RAB3GAP2: variants seen among roughly 807,000 people sequenced by gnomAD.
RAB3GAP2 encodes the protein rab3 GTPase-activating protein non-catalytic subunit.
In RAB3GAP2, 87 loss-of-function variants were observed where a neutral mutation model predicts 185.3. The observed-to-expected ratio is 0.47, with a 90% CI of 0.39 to 0.56. RAB3GAP2 has a LOEUF of 0.56. Ranked by LOEUF, RAB3GAP2 falls within the 20% of genes least tolerant of loss-of-function variation. RAB3GAP2 has a pLI of 0.00. For synonymous variants in RAB3GAP2, 554 were observed against 576.1 expected (o/e 0.96, Z 0.55); for missense variants, 1,492 against 1,638.2 (o/e 0.91, Z 1.54).
chr1:220,177,496 A>T (rs1200671099), intron 21 of RAB3GAP2, among the ~76,000 whole-genome samples: 2 of 152,232 alleles, frequency 1.3e-5, no homozygotes, highest in Non-Finnish European at 2.9e-5. Flanking sequence ...ATCTAAAGTG[A>T]GGGAGATGTG....
In RAB3GAP2 at chr1:220,171,993, G is replaced by C. The variant is rs374334249; in HGVS notation, c.2473C>G (p.Arg825Gly). 1.2e-6 allele frequency: 2 copies of C among 1,614,152 alleles called. No homozygotes were observed. Among genetic ancestry groups the C allele is most frequent in the Admixed American group, 1.7e-5 (1 of 60,014 alleles). Residue 825 changes from arginine (R) to glycine (G), a missense_variant, in exon 23 of 35, where the codon CGC becomes GGC. Physicochemically the swap from Arg to Gly is moderately radical, Grantham distance 125. Transcript: ENST00000358951. ...QSVSPWWQQM[R>G]TACIQSENNG... ...TTCTCAGACTGAATACAGGCTGTGC[G>C]CATCTGCTGCCACCATGGGGACACA...
At chr1:220,186,522 A>G (rs1658510917) in intron 17 of RAB3GAP2, among the ~76,000 whole-genome samples, 1 of 152,182 alleles carries the variant, frequency 6.6e-6, no homozygotes, top group Non-Finnish European at 1.5e-5. Context: ...CCAGGAAACA[A>G]TAAAGAAAGT....
chr1:220,266,797 C>G (rs1348012190), intron 1 of RAB3GAP2: 1 of 1,594,390 alleles, frequency 6.3e-7, no homozygotes, highest in African/African-American at 1.3e-5. Context: ...CTTCTCTGAG[C>G]ATTGGCCTCT....
rs369296264 is a variant in RAB3GAP2 at position 220,174,897 on chromosome 1, C to T, written c.2311-2155G>A. ...GTTTAACCAACAAAATTCAGAATGA[C>T]CTTAGTTTATTTATCAGGGGAATTT... is the stretch of plus-strand genomic sequence containing the variant. On this transcript the variant is annotated intron_variant, in intron 21 of 34. Coordinates refer to ENST00000358951, the MANE Select transcript of RAB3GAP2 (RefSeq NM_012414.4). Among the ~76,000 whole-genome samples, 450 of 152,268 alleles carry T rather than the reference C, an allele frequency of 3.0e-3. 2 individuals carry two copies. The highest frequency in any genetic ancestry group is 1.0e-2 in the African/African-American group (414 of 41,554).
rs1272766649 is a variant in RAB3GAP2 at position 220,190,503 on chromosome 1, T to C, written c.1505A>G (p.Tyr502Cys). The C allele has an allele frequency of 6.2e-7, 1 of 1,602,036 alleles. No individual in the cohort carries two copies. Among genetic ancestry groups the C allele is most frequent in the Non-Finnish European group, 8.6e-7 (1 of 1,169,050 alleles). Reference protein sequence around the residue: ...GKHCRLLYPGYKIMGLNNVTS... With the variant: ...GKHCRLLYPGCKIMGLNNVTS... ...AACATTATTTAAACCCATTATTTTA[T>C]AGCCAGGATACAGCAGCCTAAAGAA... Residue 502 changes from tyrosine to cysteine, a missense_variant, in exon 15 of 35, where the codon TAT becomes TGT. Transcript: ENST00000358951.
intron 17 of RAB3GAP2, 35 bp from the exon 18 acceptor site, chr1:220,185,776 T>C (rs747642393): frequency 2.0e-6 from 3 of 1,529,276 alleles, no homozygotes; most frequent in Non-Finnish European, 2.7e-6. Context: ...CTAGTAATTA[T>C]AAGGCAGTGA....
chr1:220,151,339 A>G lies in RAB3GAP2; in HGVS notation c.4094T>C (p.Ile1365Thr), dbSNP rs772431061. 4 of 1,613,980 alleles carry G rather than the reference A, an allele frequency of 2.5e-6. No homozygotes were observed. Among genetic ancestry groups the G allele is most frequent in the South Asian group, 1.1e-5 (1 of 91,082 alleles). ...ATTAKLVNKV[I>T]ELLPEKHGQY... ...CCCATGTTTTTCTGGTAAAAGCTCA[A>G]TTACTTTATTTACTAGTTTAGCTGT... The change falls in exon 35 of 35, where the codon ATT (isoleucine) becomes ACT (threonine). Residue 1365 changes from isoleucine to threonine, a missense_variant. Physicochemically the swap from Ile to Thr is moderately conservative, Grantham distance 89 (BLOSUM62 -1). Transcript: ENST00000358951.
chr1:220,220,843 G>T (rs1343679567), intron 2 of RAB3GAP2, among the ~76,000 whole-genome samples: 1 of 152,156 alleles, frequency 6.6e-6, no homozygotes, highest in Non-Finnish European at 1.5e-5. Flanking sequence ...CACCATGATT[G>T]TGAGGCCTCC....
chr1:220,193,472 T>A, intron 12 of RAB3GAP2, 93 bp from the exon 13 acceptor site: 1 of 1,228,052 alleles, frequency 8.1e-7, no homozygotes, highest in South Asian at 1.3e-5. Flanking sequence ...ATAGGCTGAA[T>A]CTGTTTTTAT....
intron 1 of RAB3GAP2, among the ~76,000 whole-genome samples, chr1:220,252,518 G>C (rs968900430): frequency 6.6e-6 from 1 of 152,174 alleles, no homozygotes; most frequent in Non-Finnish European, 1.5e-5. Context: ...GGACTGACTG[G>C]ACAAACAGCT....
chr1:220,227,474 G>T lies in RAB3GAP2; in HGVS notation c.180+5325C>A, dbSNP rs11585179. On this transcript the variant is annotated intron_variant, in intron 2 of 34. Coordinates refer to ENST00000358951, the MANE Select transcript of RAB3GAP2 (RefSeq NM_012414.4). The stretch of plus-strand genomic sequence containing the variant: ...CTACTCTCAAAGAGCTAACACACTC[G>T]TGGAGATAAAAAGCACTGTGGAGTT... Among the ~76,000 whole-genome samples the T allele has an allele frequency of 1.5e-3, 224 of 152,276 alleles. 2 individuals carry two copies. The highest frequency in any genetic ancestry group is 5.3e-3 in the African/African-American group (220 of 41,552).
chr1:220,195,997 T>G (rs1179288069), intron 10 of RAB3GAP2, among the ~76,000 whole-genome samples: 1 of 152,338 alleles, frequency 6.6e-6, no homozygotes, highest in African/African-American at 2.4e-5. Context: ...CACCAATATT[T>G]AAAGACATCT....
In RAB3GAP2 at chr1:220,227,828, T is replaced by C. The variant is rs148624584; in HGVS notation, c.180+4971A>G. Among the ~76,000 whole-genome samples the C allele has an allele frequency of 6.6e-3, 1,006 of 152,284 alleles. 3 individuals are homozygous for C. The highest frequency in any genetic ancestry group is 0.014 in the Middle Eastern group (4 of 294). ...GTGCAGTGGTGTAATCTCGGCTCAC[T>C]GCAACATCCGCCTCCCGGGTTCAAG... On this transcript the variant is annotated intron_variant, in intron 2 of 34. Transcript: ENST00000358951.
At position 220,148,441 on chromosome 1, in the gene RAB3GAP2, C is replaced by A. The variant is rs1657663855; in HGVS notation, c.*2810G>T. 1 of 152,172 alleles carries A rather than the reference C, an allele frequency of 6.6e-6. No individual in the cohort carries two copies. Among genetic ancestry groups the A allele is most frequent in the African/African-American group, 2.4e-5 (1 of 41,430 alleles). 9.4% of individuals were successfully genotyped at this position (152,172 alleles called of 1,614,324 possible). ...AAACAGTTCAGTATTGGATTAAAATCTTTTAAGGATGGCTAATTCTATTCA... is the reference window on the plus strand; with the variant it reads ...AAACAGTTCAGTATTGGATTAAAATATTTTAAGGATGGCTAATTCTATTCA... On this transcript the variant is annotated 3_prime_UTR_variant, in exon 35 of 35. Transcript: ENST00000358951.
chr1:220,148,379 C>CTACT lies in RAB3GAP2; in HGVS notation c.*2868_*2871dup, dbSNP rs1657662216. On this transcript the variant is annotated 3_prime_UTR_variant, in exon 35 of 35. Transcript: ENST00000358951. ...AAATAGCAGTATATACAGAATTTCACTACTTACAGTACATTACAATAGAGA... is the reference window on the plus strand; with the variant it reads ...AAATAGCAGTATATACAGAATTTCACTACTTACTTACAGTACATTACAATAGAGA... 1 of 152,226 alleles carries CTACT rather than the reference C, an allele frequency of 6.6e-6. No homozygotes were observed. The highest frequency in any genetic ancestry group is 1.5e-5 in the Non-Finnish European group (1 of 68,068). 9.4% of individuals were successfully genotyped at this position (152,226 alleles called of 1,614,324 possible). A position where few individuals can be genotyped will look rare whatever the true frequency, so the allele number is the denominator to read the frequency against.
chr1:220,168,556 C>G (rs1416291709), intron 24 of RAB3GAP2, among the ~76,000 whole-genome samples: 1 of 152,040 alleles, frequency 6.6e-6, no homozygotes, highest in Non-Finnish European at 1.5e-5. Context: ...TGCCACCATG[C>G]CCGGCTAAAT....
chr1:220,258,480 A>G (rs1660077474), intron 1 of RAB3GAP2, among the ~76,000 whole-genome samples: 1 of 152,212 alleles, frequency 6.6e-6, no homozygotes, highest in Non-Finnish European at 1.5e-5. Flanking sequence ...ACTAAAGACA[A>G]AAAACCACAT....
At chr1:220,173,961 A>T (rs563940278) in intron 21 of RAB3GAP2, among the ~76,000 whole-genome samples, 1 of 148,670 alleles carries the variant, frequency 6.7e-6, no homozygotes, top group African/African-American at 2.5e-5. Flanking sequence ...CGGAGGTTGC[A>T]GTGAGCTGAG....
intron 7 of RAB3GAP2, among the ~76,000 whole-genome samples, chr1:220,209,869 A>C (rs1466225814): frequency 6.6e-6 from 1 of 152,210 alleles, no homozygotes; most frequent in South Asian, 2.1e-4. Flanking sequence ...CAAGGCACCT[A>C]AGAAGTTAGA....
Sources: gnomAD v4.1 joint callset for allele counts (sites outside exome capture counted in the v4.1 genomes callset) on GRCh38, gnomAD v4.1.1 for gene constraint, MANE v1.5 for transcripts, NCBI Gene and HGNC (gene_info 2026-07-23, HGNC 2026-07-21) for gene names.